GPC5: variants seen among roughly 807,000 people sequenced by gnomAD.
GPC5 encodes the protein glypican-5.
Under a neutral mutation model 53.9 loss-of-function variants are expected in GPC5, and 47 were observed. That is an observed-to-expected ratio of 0.87 (90% CI 0.69 to 1.11). The LOEUF (loss-of-function observed/expected upper bound fraction) is 1.11, where lower values mean the gene tolerates loss of function less well. GPC5 is among the 50% of genes most tolerant of loss of function. GPC5 has a pLI of 0.00. For synonymous variants in GPC5, 286 were observed against 263.3 expected, an observed-to-expected ratio of 1.09 and a Z score of -0.84; for missense variants, 748 against 713.1, an observed-to-expected ratio of 1.05 and a Z score of -0.56.
chr13:92,127,730 T>C (rs1347685710), intron 6 of GPC5, among the ~76,000 whole-genome samples: 3 of 152,206 alleles, frequency 2.0e-5, no homozygotes, highest in Admixed American at 1.3e-4. Flanking sequence ...GAGGGATGTT[T>C]AACATTGAAA....
At chr13:91,665,208 G>C (rs971672337) in intron 2 of GPC5, among the ~76,000 whole-genome samples, 10 of 152,160 alleles carry the variant, frequency 6.6e-5, no homozygotes, top group African/African-American at 2.4e-4. Flanking sequence ...TGCTTTCAAG[G>C]CTTCTCCGTA....
intron 4 of GPC5, among the ~76,000 whole-genome samples, chr13:91,739,040 C>T (rs1351961513): frequency 6.6e-6 from 1 of 151,374 alleles, no homozygotes; most frequent in East Asian, 1.9e-4. Flanking sequence ...TTTCATTTGT[C>T]TGCAGACATC....
At chr13:91,669,298 T>C (rs1330288961) in intron 2 of GPC5, among the ~76,000 whole-genome samples, 1 of 152,180 alleles carries the variant, frequency 6.6e-6, no homozygotes, top group East Asian at 1.9e-4. Flanking sequence ...AGAACAATGG[T>C]ACAATTCTGA....
Position 91,629,487 on chromosome 13 carries a change from AC to A in GPC5, c.326-63699del, listed in dbSNP as rs559395077. Among the ~76,000 whole-genome samples the A allele has an allele frequency of 3.9e-5, 6 of 152,172 alleles. No individual in the cohort carries two copies. In the South Asian group the frequency reaches 1.0e-3, roughly 26 times the overall value. ...GTGAAACTCCGCCTCTACTAAGAGT[AC>A]AAAAATTTGCTGGGCGTGGTGGCAC... On this transcript the variant is annotated intron_variant, in intron 2 of 7. Coordinates refer to ENST00000377067, the MANE Select transcript of GPC5 (RefSeq NM_004466.6).
intron 7 of GPC5, among the ~76,000 whole-genome samples, chr13:92,433,905 C>T (rs189717863): frequency 7.2e-4 from 110 of 152,180 alleles, no homozygotes; most frequent in Non-Finnish European, 1.3e-3. Context: ...TTCTCAAGAT[C>T]AGTCAAGCAT....
intron 5 of GPC5, among the ~76,000 whole-genome samples, chr13:91,756,693 C>T (rs1035881426): frequency 7.6e-6 from 1 of 132,016 alleles, no homozygotes; most frequent in East Asian, 3.1e-4. Flanking sequence ...AATTAAACAC[C>T]GTTTATTTTT....
At chr13:92,363,945 A>T (rs1450204072) in intron 7 of GPC5, among the ~76,000 whole-genome samples, 8 of 151,792 alleles carry the variant, frequency 5.3e-5, no homozygotes, top group Non-Finnish European at 1.2e-4. Flanking sequence ...AGTGATTATA[A>T]TTATTCCTCA....
At chr13:92,285,226 C>G (rs1227776635) in intron 7 of GPC5, among the ~76,000 whole-genome samples, 1 of 152,016 alleles carries the variant, frequency 6.6e-6, no homozygotes, top group Non-Finnish European at 1.5e-5. Context: ...AACCACTGTT[C>G]AATGAAATAA....
chr13:92,454,833 T>C (rs1878198790), intron 7 of GPC5, among the ~76,000 whole-genome samples: 1 of 152,172 alleles, frequency 6.6e-6, no homozygotes, highest in Non-Finnish European at 1.5e-5. Context: ...AGTGAATTTA[T>C]ATATAAAAAC....
Position 92,394,993 on chromosome 13 carries a change from A to G in GPC5, c.1561+250004A>G, listed in dbSNP as rs191580369. Among the ~76,000 whole-genome samples, 818 of 152,294 alleles carry G rather than the reference A, an allele frequency of 5.4e-3. 6 individuals are homozygous for G. The highest frequency in any genetic ancestry group is 0.019 in the African/African-American group (784 of 41,564). ...TTAAATTTTTAACCTATTTAATTGT[A>G]ACCATCAGAGTCTTTATAGTTAAAG... On this transcript the variant is annotated intron_variant, in intron 7 of 7. Transcript: ENST00000377067.
At chr13:91,986,095 T>A (rs987298566) in intron 6 of GPC5, among the ~76,000 whole-genome samples, 5 of 127,952 alleles carry the variant, frequency 3.9e-5, no homozygotes, top group Non-Finnish European at 6.3e-5. Context: ...AGACGGAGTC[T>A]TGCTGTGTCG....
At chr13:92,249,011 A>C (rs1314959992) in intron 7 of GPC5, among the ~76,000 whole-genome samples, 1 of 29,434 alleles carries the variant, frequency 3.4e-5, no homozygotes, top group Non-Finnish European at 8.3e-5. Context: ...TTTCATATTT[A>C]AAAAATAATT....
intron 2 of GPC5, among the ~76,000 whole-genome samples, chr13:91,568,212 T>C (rs188339447): frequency 6.0e-4 from 92 of 152,306 alleles, no homozygotes; most frequent in African/African-American, 2.1e-3. Flanking sequence ...CTAATGCAGA[T>C]GCCTATTAAT....
intron 7 of GPC5, among the ~76,000 whole-genome samples, chr13:92,269,010 GATAA>G (rs2042822109): frequency 6.6e-6 from 1 of 151,830 alleles, no homozygotes; most frequent in South Asian, 2.1e-4. Context: ...TAATTTAGTA[GATAA>G]ATAACCATTT....
chr13:92,058,556 GTATTTATTTACT>G (rs1390886142), intron 6 of GPC5, among the ~76,000 whole-genome samples: 1 of 152,040 alleles, frequency 6.6e-6, no homozygotes, highest in African/African-American at 2.4e-5. Context: ...TTAGAATTGG[GTATTTATTTACT>G]TATTTATTTA....
At chr13:92,088,029 C>A (rs774871422) in intron 6 of GPC5, among the ~76,000 whole-genome samples, 2 of 151,974 alleles carry the variant, frequency 1.3e-5, no homozygotes, top group African/African-American at 4.8e-5. Flanking sequence ...CTAGGCCTCC[C>A]AAAGTCCTGG....
rs527774507 is a variant in GPC5 at position 92,793,165 on chromosome 13, C to A, written c.1562-73117C>A. Among the ~76,000 whole-genome samples the A allele has an allele frequency of 7.7e-4, 117 of 152,150 alleles. 1 individual carries two copies. Among genetic ancestry groups the A allele is most frequent in the Admixed American group, 7.1e-3 (109 of 15,254 alleles). On this transcript the variant is annotated intron_variant, in intron 7 of 7. Coordinates refer to ENST00000377067, the MANE Select transcript of GPC5 (RefSeq NM_004466.6). The stretch of plus-strand genomic sequence containing the variant: ...GCTCTCCTCAGCAAATGTAAAAGAA[C>A]AGAAATCACAACAAACTGTCTCTCA...
At chr13:92,120,868 T>C (rs1405076820) in intron 6 of GPC5, among the ~76,000 whole-genome samples, 1 of 152,228 alleles carries the variant, frequency 6.6e-6, no homozygotes, top group Admixed American at 6.5e-5. Flanking sequence ...CATATTCAAA[T>C]GAATTTGAAA....
chr13:92,136,122 C>T (rs930481950), intron 6 of GPC5, among the ~76,000 whole-genome samples: 4 of 151,960 alleles, frequency 2.6e-5, no homozygotes, highest in African/African-American at 9.7e-5. Flanking sequence ...AATAGTGAGT[C>T]ATGTTATATA....
Sources: gnomAD v4.1 joint callset for allele counts (sites outside exome capture counted in the v4.1 genomes callset) on GRCh38, gnomAD v4.1.1 for gene constraint, MANE v1.5 for transcripts, NCBI Gene and HGNC (gene_info 2026-07-23, HGNC 2026-07-21) for gene names.